The following TULP4 variants were observed in gnomAD, a reference collection of about 807,000 sequenced individuals.
TULP4 encodes tubby-related protein 4.
A neutral mutation model predicts 129.0 loss-of-function variants in TULP4; 16 were observed. That is an observed-to-expected ratio of 0.12 (90% confidence interval 0.08 to 0.19). The LOEUF (loss-of-function observed/expected upper bound fraction) is 0.19, where lower values mean the gene tolerates loss of function less well. TULP4 is among the 10% of genes least tolerant of loss of function. The pLI is 1.00. For missense variants in TULP4, 1,842 were observed against 2,059.1 expected (o/e 0.89, Z 2.04); for synonymous variants, 998 against 854.0 (o/e 1.17, Z -2.94).
chr6:158,279,319 G>A (rs115257336), upstream of TULP4, among the ~76,000 whole-genome samples: 525 of 152,210 alleles, frequency 3.4e-3, 5 homozygotes, highest in African/African-American at 0.012. Context: ...GCTTTCTACC[G>A]TCTAGTTTAA....
intron 1 of TULP4, among the ~76,000 whole-genome samples, chr6:158,365,679 G>T (rs753771678): frequency 5.6e-4 from 85 of 151,394 alleles, no homozygotes; most frequent in Admixed American, 1.6e-3. Flanking sequence ...CACCATGTTA[G>T]CCAATAGGGT....
At chr6:158,277,310 G>C (rs912792473), upstream of TULP4, among the ~76,000 whole-genome samples, 3 of 152,118 alleles carry the variant, frequency 2.0e-5, no homozygotes, top group Non-Finnish European at 2.9e-5. Flanking sequence ...TCTCAGTCAG[G>C]GAGGTCAGGA....
At chr6:158,326,326 G>A (rs988877737) in intron 1 of TULP4, among the ~76,000 whole-genome samples, 1 of 151,932 alleles carries the variant, frequency 6.6e-6, no homozygotes, top group African/African-American at 2.4e-5. Flanking sequence ...TTTTTGTTTT[G>A]TTTTGTTTTT....
chr6:158,477,144 A>T (rs1454247841), intron 6 of TULP4, among the ~76,000 whole-genome samples: 2 of 152,176 alleles, frequency 1.3e-5, no homozygotes, highest in Non-Finnish European at 2.9e-5. Flanking sequence ...AAGGTAACAA[A>T]GCTGATTTTC....
intron 1 of TULP4, among the ~76,000 whole-genome samples, chr6:158,266,088 C>T (rs1778440269): frequency 6.6e-6 from 1 of 152,188 alleles, no homozygotes; most frequent in African/African-American, 2.4e-5. Context: ...AACTCTTAAG[C>T]ATAGCATTCT....
intron 1 of TULP4, among the ~76,000 whole-genome samples, chr6:158,241,546 C>T (rs939089018): frequency 2.0e-5 from 3 of 152,038 alleles, no homozygotes; most frequent in African/African-American, 4.8e-5. Context: ...GGCTGGAGAC[C>T]GCCCGGCCAA....
chr6:158,320,769 A>ATGTG (rs1159141910), intron 1 of TULP4, among the ~76,000 whole-genome samples: 1 of 152,168 alleles, frequency 6.6e-6, no homozygotes, highest in Non-Finnish European at 1.5e-5. Flanking sequence ...GCAGGCAGCT[A>ATGTG]TGTGTAGTTG....
rs745659842 is a variant in TULP4 at position 158,363,995 on chromosome 6, T to TG, written c.253-49070_253-49069insG. ...TCAACACTTTACCTTTCAAAATAAA[T>TG]TAAAAAAACCCACAATTTTGTGTTA... On this transcript the variant is annotated intron_variant, in intron 1 of 13. Coordinates refer to ENST00000367097, the MANE Select transcript of TULP4 (RefSeq NM_020245.5). 1.5e-3 allele frequency among the ~76,000 whole-genome samples: 231 copies of TG among 152,022 alleles called. 1 individual carries two copies. Among genetic ancestry groups the TG allele is most frequent in the Non-Finnish European group, 2.7e-3 (184 of 67,940 alleles).
chr6:158,342,947 ATGTGTGTGTGTGTGTGTGTG>A (rs5881254), intron 1 of TULP4, among the ~76,000 whole-genome samples: 58 of 147,634 alleles, frequency 3.9e-4, no homozygotes, highest in African/African-American at 1.2e-3. Context: ...TTAAAAATAA[ATGTGTGTGTGTGTGTGTGTG>A]TGTGTGTGTG....
At chr6:158,412,714 C>T (rs970273117) in intron 1 of TULP4, among the ~76,000 whole-genome samples, 2 of 152,122 alleles carry the variant, frequency 1.3e-5, no homozygotes, top group Non-Finnish European at 2.9e-5. Flanking sequence ...TGATTCAAAT[C>T]CATAGTAAAT....
intron 6 of TULP4, among the ~76,000 whole-genome samples, chr6:158,465,943 AGTTAAAAC>A (rs1779547335): frequency 6.6e-6 from 1 of 152,244 alleles, no homozygotes; most frequent in South Asian, 2.1e-4. Flanking sequence ...GAATATTTTA[AGTTAAAAC>A]GTTCGGAAGC....
At chr6:158,351,965 G>C (rs547636202) in intron 1 of TULP4, among the ~76,000 whole-genome samples, 11 of 151,860 alleles carry the variant, frequency 7.2e-5, no homozygotes, top group Non-Finnish European at 1.5e-4. Context: ...CAGATGATGC[G>C]TCTGCCTTGG....
intron 4 of TULP4, among the ~76,000 whole-genome samples, chr6:158,451,213 A>T (rs945031918): frequency 4.1e-5 from 6 of 147,246 alleles, no homozygotes; most frequent in Non-Finnish European, 8.8e-5. Flanking sequence ...TCTCAGAAGC[A>T]GGGGGGGCAG....
Position 158,400,323 on chromosome 6 carries a change from C to G in TULP4, c.253-12742C>G, listed in dbSNP as rs1583836423. 4.6e-5 allele frequency among the ~76,000 whole-genome samples: 7 copies of G among 152,284 alleles called. 2 individuals are homozygous for G. The South Asian group carries it at 1.5e-3, about 32-fold the overall frequency. On this transcript the variant is annotated intron_variant, in intron 1 of 13. Coordinates refer to ENST00000367097, the MANE Select transcript of TULP4 (RefSeq NM_020245.5). ...TGCCATATTTATATGTTATATACTACTGTGCCAATAAAAGTATATACATTA... is the reference window on the plus strand; with the variant it reads ...TGCCATATTTATATGTTATATACTAGTGTGCCAATAAAAGTATATACATTA...
At chr6:158,473,171 A>G (rs566433518) in intron 6 of TULP4, among the ~76,000 whole-genome samples, 154 of 152,358 alleles carry the variant, frequency 1.0e-3, no homozygotes, top group African/African-American at 3.2e-3. Flanking sequence ...AAGAGATTGC[A>G]TGTGTGATTG....
chr6:158,331,712 CACACACACACACACACATACGTATAT>C (rs1779883703), intron 1 of TULP4, among the ~76,000 whole-genome samples: 2 of 24,090 alleles, frequency 8.3e-5, no homozygotes, highest in Non-Finnish European at 1.3e-4. Flanking sequence ...CACACACACA[CACACACACACACACACATACGTATAT>C]ATATACGTGT....
upstream of TULP4, among the ~76,000 whole-genome samples, chr6:158,308,965 G>A (rs1392176818): frequency 8.9e-5 from 13 of 145,798 alleles, no homozygotes; most frequent in African/African-American, 3.0e-4. Flanking sequence ...CGGACGGGGC[G>A]GCTGGCCGGG....
chr6:158,393,975 T>C (rs1381099966), intron 1 of TULP4, among the ~76,000 whole-genome samples: 20 of 152,248 alleles, frequency 1.3e-4, no homozygotes. Context: ...CAAACTTTTA[T>C]GCTCTGCTTC....
Position 158,502,198 on chromosome 6 carries a change from C to A in TULP4, c.2535C>A (p.Pro845=). The change falls in exon 13 of 14, where the codon CCC becomes CCA. Residue 845 remains proline (P), a synonymous_variant. Coordinates refer to ENST00000367097, the MANE Select transcript of TULP4 (RefSeq NM_020245.5). Reference sequence around the variant, plus strand: ...ACCCAGGAACCATCCCCGCTGCCCCCACCACAGCAGCACCCCCGCCCCCTC... The same window carrying A: ...ACCCAGGAACCATCCCCGCTGCCCCAACCACAGCAGCACCCCCGCCCCCTC... ...PPYPGTIPAA[P]TTAAPPPPLP... 4 of 1,529,016 alleles carry A rather than the reference C, an allele frequency of 2.6e-6. No individual in the cohort carries two copies. The highest frequency in any genetic ancestry group is 3.5e-6 in the Non-Finnish European group (4 of 1,132,766). 94.7% of individuals were successfully genotyped at this position (1,529,016 alleles called of 1,614,324 possible). A position where few individuals can be genotyped will look rare whatever the true frequency, so the allele number is the denominator to read the frequency against.
Sources: gnomAD v4.1 joint callset for allele counts (sites outside exome capture counted in the v4.1 genomes callset) on GRCh38, gnomAD v4.1.1 for gene constraint, MANE v1.5 for transcripts, NCBI Gene and HGNC (gene_info 2026-07-23, HGNC 2026-07-21) for gene names.